RYR1: variants seen among roughly 807,000 people sequenced by gnomAD.
RYR1 encodes the protein central core disease of muscle.
In RYR1, 342 loss-of-function variants were observed where a neutral mutation model predicts 583.5. The observed-to-expected ratio is 0.59, with a 90% confidence interval of 0.54 to 0.64. The LOEUF (loss-of-function observed/expected upper bound fraction) is 0.64. Among genes scored for constraint, RYR1 ranks in the 30% least tolerant of loss-of-function variants. The probability of loss-of-function intolerance (pLI) is 0.00; values close to 1 mark genes in which losing one functional copy is unlikely to be tolerated. For synonymous variants in RYR1, 2,791 were observed against 2,822.5 expected, an observed-to-expected ratio of 0.99 and a Z score of 0.35; for missense variants, 6,032 against 6,917.2, an observed-to-expected ratio of 0.87 and a Z score of 4.54.
rs148623597 is a variant in RYR1 at position 38,464,649 on chromosome 19, G to A, written c.2797G>A (p.Ala933Thr). The A allele has an allele frequency of 2.4e-4, 378 of 1,585,850 alleles. 1 individual carries two copies. In the African/African-American group the frequency reaches 4.6e-3, roughly 19 times the overall value. The stretch of plus-strand genomic sequence containing the variant: ...CTCCCCCACCCCCAGGACTCTGCTG[G>A]CTCTGGGCTGCCACGTGGGCATGGC... Reference protein sequence around the residue: ...MSGETLKTLLALGCHVGMADE... With the variant: ...MSGETLKTLLTLGCHVGMADE... Residue 933 changes from alanine (A) to threonine (T), a missense_variant, in exon 23 of 106, where the codon GCT (alanine) becomes ACT (threonine). By Grantham distance (58) the Ala-to-Thr change is moderately conservative. Transcript: ENST00000359596.
At chr19:38,562,217 C>G (rs1019021306) in intron 90 of RYR1, among the ~76,000 whole-genome samples, 11 of 152,090 alleles carry the variant, frequency 7.2e-5, no homozygotes, top group African/African-American at 2.7e-4. Context: ...GCCCTCAGAC[C>G]TACTCTCTAA....
Position 38,565,808 on chromosome 19 carries a change from A to T in RYR1, c.13437+37A>T, listed in dbSNP as rs942364992. The T allele has an allele frequency of 8.0e-6, 11 of 1,370,600 alleles. No individual in the cohort carries two copies. In the East Asian group the frequency reaches 2.1e-4, roughly 26 times the overall value. 84.9% of individuals were successfully genotyped at this position (1,370,600 alleles called of 1,614,324 possible). A position where few individuals can be genotyped will look rare whatever the true frequency, so the allele number is the denominator to read the frequency against. On this transcript the variant is annotated intron_variant, in intron 91 of 105. Transcript: ENST00000359596. The surrounding 1 kb of genome is among the most constrained non-coding windows in gnomAD (Gnocchi z 4.7). ...GGCGGGGTTTTGGGGTTTTGGAAAG[A>T]TGGGGGATTGGAGGGAGGAAGAGAG...
rs951485116 is a variant in RYR1 at position 38,492,885 on chromosome 19, A to G, written c.6274+249A>G. 7.9e-5 allele frequency among the ~76,000 whole-genome samples: 12 copies of G among 152,264 alleles called. No homozygotes were observed. The East Asian group carries it at 2.3e-3, about 29-fold the overall frequency. On this transcript the variant is annotated intron_variant, in intron 38 of 105. Coordinates refer to ENST00000359596, the MANE Select transcript of RYR1 (RefSeq NM_000540.3). ...GGATTTGGAGACCAGCCCGGCCAAC[A>G]TGGTGAAACCCCCTTCTCCACTAAA...
intron 76 of RYR1, among the ~76,000 whole-genome samples, chr19:38,532,122 C>CTTTT (rs552357645): frequency 6.5e-5 from 9 of 138,730 alleles, no homozygotes; most frequent in African/African-American, 2.4e-4. Flanking sequence ...ACCAGAAGCT[C>CTTTT]TTTTTTTTTT....
intron 34 of RYR1, among the ~76,000 whole-genome samples, chr19:38,486,500 C>T (rs553005947): frequency 3.1e-4 from 47 of 152,180 alleles, no homozygotes; most frequent in Non-Finnish European, 5.9e-4. Flanking sequence ...TGTGCCACCA[C>T]GCCCCGCTAA....
intron 89 of RYR1, among the ~76,000 whole-genome samples, chr19:38,552,258 CTT>C (rs950863189): frequency 7.0e-6 from 1 of 142,224 alleles, no homozygotes. Flanking sequence ...AGCAGGACTG[CTT>C]TTTTTTTTTT....
At chr19:38,569,080 G>C (rs1194530733) in intron 93 of RYR1, among the ~76,000 whole-genome samples, 1 of 151,792 alleles carries the variant, frequency 6.6e-6, no homozygotes, top group Admixed American at 6.6e-5. Context: ...GCACAATCTC[G>C]GCTCACTGCA....
chr19:38,582,328 T>C (rs1168018874), intron 101 of RYR1, among the ~76,000 whole-genome samples: 17 of 149,240 alleles, frequency 1.1e-4, no homozygotes, highest in Non-Finnish European at 2.1e-4. Flanking sequence ...ACCCGGGAGG[T>C]GGAGGTTGCC....
intron 67 of RYR1, among the ~76,000 whole-genome samples, chr19:38,521,047 G>A (rs1467208546): frequency 7.2e-5 from 11 of 151,936 alleles, no homozygotes; most frequent in Non-Finnish European, 1.5e-5. Context: ...GACTGAGGCG[G>A]GAGGATCACT....
chr19:38,494,314 T>C (rs368515329), intron 38 of RYR1, 38 bp from the exon 39 acceptor site: 41 of 1,610,694 alleles, frequency 2.5e-5, no homozygotes, highest in Middle Eastern at 2.3e-4. Flanking sequence ...CGACCTGCCC[T>C]GCATGGTGCT....
intron 2 of RYR1, 151 bp from the exon 3 acceptor site, chr19:38,442,198 T>A (rs1972719648): frequency 3.6e-6 from 2 of 554,386 alleles, no homozygotes; most frequent in Non-Finnish European, 6.4e-6. Flanking sequence ...CTGAGGGGGA[T>A]GGCAGAGGGC....
Position 38,539,181 on chromosome 19 carries a change from A to T in RYR1, c.11689+1221A>T, listed in dbSNP as rs531595013. On this transcript the variant is annotated intron_variant, in intron 84 of 105. Transcript: ENST00000359596. ...TGAATTTTCAAAAGCTCTTGTGTCC[A>T]CAACGAGTTTTTCAAGGTTTATTAA... Among the ~76,000 whole-genome samples the T allele has an allele frequency of 2.6e-5, 4 of 151,826 alleles. No individual in the cohort carries two copies. The East Asian group carries it at 7.7e-4, about 29-fold the overall frequency.
At chr19:38,470,405 C>T (rs926025425) in intron 27 of RYR1, among the ~76,000 whole-genome samples, 5 of 148,858 alleles carry the variant, frequency 3.4e-5, no homozygotes, top group Admixed American at 2.7e-4. Context: ...GACTGCACTC[C>T]AGCCTGAGTG....
chr19:38,478,308 C>T, intron 30 of RYR1, 127 bp from the exon 31 acceptor site: 1 of 1,022,496 alleles, frequency 9.8e-7, no homozygotes, highest in Non-Finnish European at 1.5e-6. Flanking sequence ...GCTCTCAGGT[C>T]TGCAGGCGGT....
Position 38,565,491 on chromosome 19 carries a change from C to G in RYR1, c.13157C>G (p.Pro4386Arg). ...VTELLAGMPDPTSDEVHGEQP... is the reference protein window; with the variant it reads ...VTELLAGMPDRTSDEVHGEQP... Reference sequence around the variant, plus strand: ...GAGCTCCTGGCAGGCATGCCCGACCCCACCAGCGACGAGGTGCACGGCGAG... The same window carrying G: ...GAGCTCCTGGCAGGCATGCCCGACCGCACCAGCGACGAGGTGCACGGCGAG... The change falls in exon 91 of 106, where the codon CCC (proline) becomes CGC (arginine). Residue 4386 changes from proline (P) to arginine (R), a missense_variant. Around this residue, in one of 11 missense-constraint regions of RYR1, gnomAD observed 753 missense variants for 759.6 expected, o/e 0.99. Coordinates refer to ENST00000359596, the MANE Select transcript of RYR1 (RefSeq NM_000540.3). The surrounding 1 kb of genome is among the most constrained non-coding windows in gnomAD (Gnocchi z 4.7). 1 of 1,505,366 alleles carries G rather than the reference C, an allele frequency of 6.6e-7. No individual in the cohort carries two copies. The highest frequency in any genetic ancestry group is 8.8e-7 in the Non-Finnish European group (1 of 1,134,574). The allele number at this position is 1,505,366 out of a possible 1,614,324, so 93.3% of individuals were successfully genotyped here. A position where few individuals can be genotyped will look rare whatever the true frequency, so the allele number is the denominator to read the frequency against.
intron 104 of RYR1, 65 bp from the exon 105 acceptor site, chr19:38,586,460 T>A: frequency 6.6e-7 from 1 of 1,513,944 alleles, no homozygotes; most frequent in Non-Finnish European, 9.2e-7. Flanking sequence ...CTCTCTACTA[T>A]AAATGAAAAA....
intron 38 of RYR1, among the ~76,000 whole-genome samples, chr19:38,493,700 A>G (rs912482543): frequency 4.0e-5 from 6 of 151,820 alleles, no homozygotes; most frequent in Non-Finnish European, 8.8e-5. Context: ...TTGTATTTTT[A>G]GTAGAGACGG....
At chr19:38,579,666 T>A (rs1327910255) in intron 99 of RYR1, among the ~76,000 whole-genome samples, 1 of 150,892 alleles carries the variant, frequency 6.6e-6, no homozygotes, top group Non-Finnish European at 1.5e-5. Context: ...CTTCAACTCC[T>A]GACCTCAAGT....
chr19:38,579,074 G>A (rs1974083464), intron 99 of RYR1, among the ~76,000 whole-genome samples: 1 of 151,218 alleles, frequency 6.6e-6, no homozygotes, highest in Admixed American at 6.6e-5. Context: ...TGAGCTGCAT[G>A]TGCACCACTG....
Sources: gnomAD v4.1 joint callset for allele counts (sites outside exome capture counted in the v4.1 genomes callset) on GRCh38, gnomAD v4.1.1 for gene constraint, gnomAD v4.1.1 regional missense constraint, Gnocchi (gnomAD v3.1) non-coding constraint, MANE v1.5 for transcripts, NCBI Gene and HGNC (gene_info 2026-07-23, HGNC 2026-07-21) for gene names.